Variants in ZNF503 observed in about 807,000 individuals in gnomAD.
ZNF503 encodes zinc finger protein 503.
Under a neutral mutation model 34.4 loss-of-function variants are expected in ZNF503, and 15 were observed. That is an observed-to-expected ratio of 0.44 (90% CI 0.29 to 0.67). The LOEUF is 0.67. Ranked by LOEUF, ZNF503 falls within the 30% of genes least tolerant of loss-of-function variation. The pLI is 0.13. For missense variants in ZNF503, 1,007 were observed against 926.8 expected (o/e 1.09, Z -1.12); for synonymous variants, 580 against 456.8 (o/e 1.27, Z -3.44).
chr10:75,321,129 C>G, the ZNF503 span, among the ~76,000 whole-genome samples: 63 of 152,294 alleles, frequency 4.1e-4, 3 homozygotes, highest in African/African-American at 1.3e-3. Context: ...CCTCTCCTGT[C>G]TCTTTCTTCC....
the ZNF503 span, among the ~76,000 whole-genome samples, chr10:75,342,083 C>A: frequency 1.3e-5 from 2 of 151,250 alleles, no homozygotes; most frequent in Non-Finnish European, 2.9e-5. Flanking sequence ...CTGGAGTCTT[C>A]TAAATCACTT....
At chr10:75,396,411 G>GC (rs1401003601), downstream of ZNF503, among the ~76,000 whole-genome samples, 1 of 151,578 alleles carries the variant, frequency 6.6e-6, no homozygotes, top group Non-Finnish European at 1.5e-5. This position sits in a 1 kb window ranked among gnomAD's most constrained non-coding sequence, Gnocchi z 4.4. Flanking sequence ...CGGCCCGCGC[G>GC]CTTCCCGCAG....
Position 75,399,931 on chromosome 10 carries a change from G to C in ZNF503, c.759C>G (p.Asp253Glu). 2.5e-6 allele frequency: 4 copies of C among 1,606,474 alleles called. No homozygotes were observed. Among genetic ancestry groups the C allele is most frequent in the Non-Finnish European group, 3.4e-6 (4 of 1,179,238 alleles). Residue 253 changes from aspartate (D) to glutamate (E), a missense_variant, in exon 2 of 2, where the codon GAC becomes GAG. By Grantham distance (45) the Asp-to-Glu change is conservative. Coordinates refer to ENST00000372524, the MANE Select transcript of ZNF503 (RefSeq NM_032772.6). ...SSAGGAPEGK[D>E]DKKDTDVGGG... ...CGCCCACGTCGGTGTCTTTCTTGTC[G>C]TCCTTGCCCTCCGGGGCACCCCCGG... is the stretch of plus-strand genomic sequence containing the variant.
chr10:75,302,908 A>G, the ZNF503 span, among the ~76,000 whole-genome samples: 7 of 152,146 alleles, frequency 4.6e-5, no homozygotes. Context: ...TATTGTTCTT[A>G]CCTAAAGTTT....
chr10:75,391,647 G>A, the ZNF503 span, among the ~76,000 whole-genome samples: 1 of 152,172 alleles, frequency 6.6e-6, no homozygotes, highest in Non-Finnish European at 1.5e-5. Flanking sequence ...TAAGGCCACT[G>A]CTACTTTTTC....
chr10:75,394,932 G>A (rs1843680057), downstream of ZNF503, among the ~76,000 whole-genome samples: 1 of 152,138 alleles, frequency 6.6e-6, no homozygotes, highest in Non-Finnish European at 1.5e-5. Flanking sequence ...CACCAGGGTC[G>A]CTGTGTCACC....
rs1432944461 is a variant in ZNF503, at chr10:75,397,937, G to A, written c.*812C>T. On this transcript the variant is annotated 3_prime_UTR_variant, in exon 2 of 2. Coordinates refer to ENST00000372524, the MANE Select transcript of ZNF503 (RefSeq NM_032772.6). ...CGTAAACCTTGTCCCCTTCTCAGCG[G>A]GTGGACTTAAAAATTAAAAATAGTT... The A allele has an allele frequency of 6.6e-6, 1 of 152,598 alleles. No homozygotes were observed. The highest frequency in any genetic ancestry group is 2.4e-5 in the African/African-American group (1 of 41,442). 9.5% of individuals were successfully genotyped at this position (152,598 alleles called of 1,614,324 possible). A position where few individuals can be genotyped will look rare whatever the true frequency, so the allele number is the denominator to read the frequency against.
At position 75,399,004 on chromosome 10, in the gene ZNF503, G is replaced by A; in HGVS notation, c.1686C>T (p.Ala562=). The A allele has an allele frequency of 6.2e-7, 1 of 1,608,350 alleles. No homozygotes were observed. ...AAGCCATGGCGGCCGCGGCAGCGCT[G>A]GCCAGAGACGACGAGCTGGGGTAGC... The part of the protein sequence containing the change: ...LSGYPSSSSL[A]SAAAAAMACH... Residue 562 remains alanine (A), a synonymous_variant, in exon 2 of 2, where the codon GCC becomes GCT. Transcript: ENST00000372524.
the ZNF503 span, among the ~76,000 whole-genome samples, chr10:75,294,905 G>C: frequency 1.3e-5 from 2 of 152,164 alleles, no homozygotes; most frequent in Admixed American, 1.3e-4. Flanking sequence ...CACGGCGCAG[G>C]AATGTTTAAT....
At chr10:75,280,650 G>A in the ZNF503 span, among the ~76,000 whole-genome samples, 4 of 152,128 alleles carry the variant, frequency 2.6e-5, no homozygotes, top group East Asian at 7.7e-4. Context: ...CGGTTATGGG[G>A]CAACAGCCCC....
chr10:75,357,920 T>C, the ZNF503 span, among the ~76,000 whole-genome samples: 1 of 152,220 alleles, frequency 6.6e-6, no homozygotes, highest in African/African-American at 2.4e-5. Flanking sequence ...CTGAGTCTCC[T>C]CATCTGGAAA....
the ZNF503 span, among the ~76,000 whole-genome samples, chr10:75,332,898 A>T: frequency 7.0e-6 from 1 of 142,162 alleles, no homozygotes; most frequent in Non-Finnish European, 1.5e-5. Flanking sequence ...CATGGCAACC[A>T]TCCGAATTCT....
chr10:75,398,870 TTG>T lies in ZNF503; in HGVS notation c.1818_1819del (p.Lys607GlufsTer115). 1 of 1,516,698 alleles carries T rather than the reference TTG, an allele frequency of 6.6e-7. No individual in the cohort carries two copies. The highest frequency in any genetic ancestry group is 8.8e-7 in the Non-Finnish European group (1 of 1,136,704). The allele number at this position is 1,516,698 out of a possible 1,614,324, so 94.0% of individuals were successfully genotyped here. On this transcript the variant is annotated frameshift_variant, in exon 2 of 2. Coordinates refer to ENST00000372524, the MANE Select transcript of ZNF503 (RefSeq NM_032772.6). LOFTEE classifies it high-confidence loss of function. Reference sequence around the variant, plus strand: ...GGCGCCAGGCGTGGGAAGCGGGCTCTTGGAGTAGGGGTGGTAGCGGCTGCTGA... The same window carrying T: ...GGCGCCAGGCGTGGGAAGCGGGCTCTGAGTAGGGGTGGTAGCGGCTGCTGA...
the ZNF503 span, among the ~76,000 whole-genome samples, chr10:75,311,220 C>T: frequency 6.6e-6 from 1 of 152,186 alleles, no homozygotes; most frequent in African/African-American, 2.4e-5. Context: ...GGCCAGAAGA[C>T]TAAACCAGTC....
chr10:75,318,558 G>T, the ZNF503 span, among the ~76,000 whole-genome samples: 1 of 151,508 alleles, frequency 6.6e-6, no homozygotes, highest in African/African-American at 2.4e-5. Flanking sequence ...AGTACCAGCT[G>T]CTCAGGAGGC....
the ZNF503 span, chr10:75,280,263 C>T: frequency 6.6e-6 from 1 of 152,234 alleles, no homozygotes; most frequent in African/African-American, 2.4e-5. Flanking sequence ...CATAATGGGA[C>T]ACATACAGAG....
At chr10:75,355,380 C>T in the ZNF503 span, among the ~76,000 whole-genome samples, 2 of 152,168 alleles carry the variant, frequency 1.3e-5, no homozygotes, top group Non-Finnish European at 2.9e-5. Context: ...TATTCAGAGT[C>T]CTTGCATCAA....
At chr10:75,293,390 G>A in the ZNF503 span, among the ~76,000 whole-genome samples, 8 of 152,182 alleles carry the variant, frequency 5.3e-5, no homozygotes, top group East Asian at 1.5e-3. Flanking sequence ...GGCCTTTCCA[G>A]GTAGGCAGGA....
In ZNF503 at chr10:75,399,442, C is replaced by A. The variant is rs763125350; in HGVS notation, c.1248G>T (p.Ala416=). ...TGGCTGTCATCACGGACGGCGGAGA[C>A]GCTCCGGCCAAAGGGCTGGAGCCGG... ...KPAGSSPLAG[A]SPPSVMTASL... The change falls in exon 2 of 2, where the codon GCG becomes GCT. Residue 416 remains alanine, a synonymous_variant. Transcript: ENST00000372524. 5.6e-6 allele frequency: 9 copies of A among 1,593,716 alleles called. No individual in the cohort carries two copies. The highest frequency in any genetic ancestry group is 7.7e-6 in the Non-Finnish European group (9 of 1,175,180).
Sources: allele counts gnomAD v4.1 joint callset (sites outside exome capture counted in the v4.1 genomes callset), GRCh38; gene constraint gnomAD v4.1.1; non-coding constraint Gnocchi (gnomAD v3.1); transcripts MANE v1.5; gene names NCBI Gene and HGNC (gene_info 2026-07-23, HGNC 2026-07-21).